The following TIAM1 variants were observed in gnomAD, a reference collection of about 807,000 sequenced individuals.
TIAM1 encodes TIAM Rac1 associated GEF 1.
TIAM1 carries 65 observed loss-of-function variants against 163.5 expected under a neutral mutation model. The ratio of observed to expected loss-of-function variants is 0.40; its 90% CI spans 0.33 to 0.49. TIAM1 has a LOEUF of 0.49. Among genes scored for constraint, TIAM1 ranks in the 20% least tolerant of loss-of-function variants. The pLI is 0.77. For synonymous variants in TIAM1, 833 were observed against 810.1 expected (o/e 1.03, Z -0.48); for missense variants, 1,789 against 2,044.7 (o/e 0.87, Z 2.41).
chr21:31,348,027 G>A (rs1028707108), upstream of TIAM1, among the ~76,000 whole-genome samples: 1 of 152,172 alleles, frequency 6.6e-6, no homozygotes, highest in African/African-American at 2.4e-5. Context: ...ACTCAGAAAT[G>A]AAAACGTATG....
intron 8 of TIAM1, among the ~76,000 whole-genome samples, chr21:31,222,059 A>G (rs1029980736): frequency 6.6e-6 from 1 of 152,234 alleles, no homozygotes; most frequent in Non-Finnish European, 1.5e-5. Context: ...GCCAGTTTTA[A>G]TAACTCCAGA....
chr21:31,230,673 C>A (rs1188021021), intron 6 of TIAM1, among the ~76,000 whole-genome samples: 1 of 152,138 alleles, frequency 6.6e-6, no homozygotes, highest in African/African-American at 2.4e-5. Flanking sequence ...GGACTACAGG[C>A]TACTAGGGAG....
intron 2 of TIAM1, among the ~76,000 whole-genome samples, chr21:31,331,316 C>T (rs1355072615): frequency 6.6e-6 from 1 of 152,142 alleles, no homozygotes; most frequent in Non-Finnish European, 1.5e-5. Flanking sequence ...AAACTGTAGG[C>T]ATCTCAAGGC....
chr21:31,368,655 G>C (rs1225288744), intron 2 of TIAM1, among the ~76,000 whole-genome samples: 1 of 152,178 alleles, frequency 6.6e-6, no homozygotes, highest in East Asian at 1.9e-4. Context: ...CAAGACTTCA[G>C]ATTTGACCGT....
At chr21:31,437,502 C>CAAAAAAAAAAAAAAAAAAAA (rs778245444) in intron 2 of TIAM1, among the ~76,000 whole-genome samples, 1 of 106,510 alleles carries the variant, frequency 9.4e-6, no homozygotes, top group Non-Finnish European at 1.9e-5. Flanking sequence ...GACCCTGTCT[C>CAAAAAAAAAAAAAAAAAAAA]AAAAAAAAAA....
intron 6 of TIAM1, among the ~76,000 whole-genome samples, chr21:31,231,174 A>G (rs1028626033): frequency 1.3e-5 from 2 of 152,178 alleles, no homozygotes; most frequent in Non-Finnish European, 2.9e-5. Flanking sequence ...GCCTGGATCC[A>G]TAAGAGTCTA....
intron 1 of TIAM1, among the ~76,000 whole-genome samples, chr21:31,515,351 A>C (rs1316825641): frequency 6.6e-6 from 1 of 152,196 alleles, no homozygotes; most frequent in Non-Finnish European, 1.5e-5. Flanking sequence ...ATCAATATCA[A>C]AATCTGTGCA....
At chr21:31,357,039 A>C (rs1003824690) in intron 2 of TIAM1, among the ~76,000 whole-genome samples, 6 of 151,762 alleles carry the variant, frequency 4.0e-5, no homozygotes, top group African/African-American at 1.2e-4. Flanking sequence ...CCCTCCCTCA[A>C]CTCCCTGGCC....
At chr21:31,144,028 C>T (rs1490854917) in intron 20 of TIAM1, among the ~76,000 whole-genome samples, 1 of 152,132 alleles carries the variant, frequency 6.6e-6, no homozygotes, top group African/African-American at 2.4e-5. Context: ...GCCACCGCAC[C>T]CAGCCCTGTC....
intron 2 of TIAM1, among the ~76,000 whole-genome samples, chr21:31,421,127 T>C (rs1602237161): frequency 7.0e-6 from 1 of 142,270 alleles, no homozygotes; most frequent in East Asian, 2.0e-4. Context: ...TGAGACTTCC[T>C]CTTAAAAAAA....
intron 2 of TIAM1, among the ~76,000 whole-genome samples, chr21:31,295,390 A>T (rs1214158134): frequency 6.8e-6 from 1 of 147,006 alleles, no homozygotes; most frequent in East Asian, 2.3e-4. Context: ...GAATGGCGTG[A>T]ACCCAGGAGG....
intron 1 of TIAM1, among the ~76,000 whole-genome samples, chr21:31,517,033 A>G (rs1291914587): frequency 6.8e-6 from 1 of 146,900 alleles, no homozygotes; most frequent in African/African-American, 2.5e-5. Flanking sequence ...TTGGCGACAG[A>G]GCAAGACTCT....
At chr21:31,514,751 T>A (rs986474551) in intron 1 of TIAM1, among the ~76,000 whole-genome samples, 1 of 152,174 alleles carries the variant, frequency 6.6e-6, no homozygotes, top group Non-Finnish European at 1.5e-5. Flanking sequence ...ACCTCCAGCG[T>A]TCTGAACTGC....
rs1449356401 is a variant in TIAM1, at chr21:31,460,463, C to A, written c.-369+3520G>T. On this transcript the variant is annotated intron_variant, in intron 2 of 28. Transcript: ENST00000286827. Reference sequence around the variant, plus strand: ...CCAACATAGTGAAACCCCATCTCTACTAAAAATACAAAAATTAGCCAGGTG... The same window carrying A: ...CCAACATAGTGAAACCCCATCTCTAATAAAAATACAAAAATTAGCCAGGTG... Among the ~76,000 whole-genome samples, 25 of 152,236 alleles carry A rather than the reference C, an allele frequency of 1.6e-4. No homozygotes were observed. In the East Asian group the frequency reaches 4.2e-3, roughly 26 times the overall value.
At chr21:31,541,229 G>A (rs2048315339) in intron 1 of TIAM1, among the ~76,000 whole-genome samples, 1 of 152,192 alleles carries the variant, frequency 6.6e-6, no homozygotes, top group African/African-American at 2.4e-5. Flanking sequence ...GGCTGAGGCG[G>A]GCAGATCACT....
rs546375725 is a variant in TIAM1, at chr21:31,209,916, G to A, written c.2388+129C>T. The A allele has an allele frequency of 4.2e-5, 39 of 926,564 alleles. 1 individual carries two copies. In the South Asian group the frequency reaches 6.4e-4, roughly 15 times the overall value. The allele number at this position is 926,564 out of a possible 1,614,324, so 57.4% of individuals were successfully genotyped here. ...TCACAAAGGAATGCAATGCTGCTCC[G>A]AAATGAAAGGGAGGTGTGTTTTAAG... is the stretch of plus-strand genomic sequence containing the variant. On this transcript the variant is annotated intron_variant, in intron 11 of 27. Coordinates refer to ENST00000541036, the MANE Select transcript of TIAM1 (RefSeq NM_001353694.2).
At position 31,210,072 on chromosome 21, in the gene TIAM1, T is replaced by G; in HGVS notation, c.2361A>C (p.Ala787=). ...ALTVVRPGDT[A]RDTLELICKT... is the part of the protein sequence containing the mutation. ...TGCAAATCAGCTCCAGGGTGTCCCGTGCAGTGTCGCCTGGCCGGACGACCG... is the reference window on the plus strand; with the variant it reads ...TGCAAATCAGCTCCAGGGTGTCCCGGGCAGTGTCGCCTGGCCGGACGACCG... The change falls in exon 11 of 28, where the codon GCA becomes GCC. Residue 787 remains alanine, a synonymous_variant. Transcript: ENST00000541036. The G allele has an allele frequency of 1.2e-6, 2 of 1,614,088 alleles. No individual in the cohort carries two copies. The highest frequency in any genetic ancestry group is 1.7e-6 in the Non-Finnish European group (2 of 1,180,008).
intron 2 of TIAM1, among the ~76,000 whole-genome samples, chr21:31,461,808 G>A (rs1311779713): frequency 6.6e-6 from 1 of 152,110 alleles, no homozygotes; most frequent in African/African-American, 2.4e-5. Flanking sequence ...TGGGACCACA[G>A]GCATGCGCTA....
intron 20 of TIAM1, among the ~76,000 whole-genome samples, chr21:31,145,048 A>G: frequency 6.6e-6 from 1 of 152,138 alleles, no homozygotes; most frequent in Non-Finnish European, 1.5e-5. Flanking sequence ...AGCACTCTAA[A>G]ATTGTTACTT....
Sources: allele counts gnomAD v4.1 joint callset (sites outside exome capture counted in the v4.1 genomes callset), GRCh38; gene constraint gnomAD v4.1.1; transcripts MANE v1.5; gene names NCBI Gene and HGNC (gene_info 2026-07-23, HGNC 2026-07-21).